The following OSBPL10 variants were observed in gnomAD, a reference collection of about 807,000 sequenced individuals.
OSBPL10 encodes oxysterol-binding protein-related protein 10.
In OSBPL10, 49 loss-of-function variants were observed where a neutral mutation model predicts 81.7. That is an observed-to-expected ratio of 0.60 (90% confidence interval 0.48 to 0.76). OSBPL10 has a LOEUF of 0.76. OSBPL10 is among the 30% of genes least tolerant of loss of function. OSBPL10 has a pLI of 0.00. For synonymous variants in OSBPL10, 419 were observed against 383.6 expected (o/e 1.09, Z -1.08); for missense variants, 923 against 987.8 (o/e 0.93, Z 0.88).
At chr3:31,955,038 G>A (rs550030429) in intron 1 of OSBPL10, among the ~76,000 whole-genome samples, 1 of 152,194 alleles carries the variant, frequency 6.6e-6, no homozygotes, top group East Asian at 1.9e-4. Flanking sequence ...ATGAGGGAGG[G>A]GGCAGTTAGC....
chr3:31,831,894 C>T (rs550079576), intron 3 of OSBPL10, among the ~76,000 whole-genome samples: 2 of 152,314 alleles, frequency 1.3e-5, no homozygotes, highest in South Asian at 4.1e-4. Context: ...CCAGACATAC[C>T]TGCAGCTGGG....
At chr3:31,700,703 C>T (rs1051393517) in intron 7 of OSBPL10, among the ~76,000 whole-genome samples, 3 of 152,330 alleles carry the variant, frequency 2.0e-5, no homozygotes, top group African/African-American at 7.2e-5. Flanking sequence ...TACTTGTACA[C>T]GTTATCATCC....
intron 4 of OSBPL10, among the ~76,000 whole-genome samples, chr3:31,772,035 ATTTT>A (rs371145925): frequency 1.3e-5 from 2 of 152,098 alleles, no homozygotes; most frequent in Admixed American, 6.5e-5. Context: ...TGCCTAGCAG[ATTTT>A]TTTTAAGTCA....
At chr3:31,930,810 C>T (rs1697218160) in intron 1 of OSBPL10, among the ~76,000 whole-genome samples, 1 of 151,430 alleles carries the variant, frequency 6.6e-6, no homozygotes. Flanking sequence ...GTCAGGAGAT[C>T]GAGACCATCC....
chr3:31,909,983 T>G (rs74574612), intron 1 of OSBPL10, among the ~76,000 whole-genome samples: 4 of 77,452 alleles, frequency 5.2e-5, no homozygotes, highest in African/African-American at 4.5e-4. Flanking sequence ...TCTCCTGGCC[T>G]TTTTTTTTTT....
intron 2 of OSBPL10, among the ~76,000 whole-genome samples, chr3:32,020,392 A>G (rs1164561482): frequency 1.3e-5 from 2 of 152,098 alleles, no homozygotes; most frequent in Non-Finnish European, 2.9e-5. Context: ...GTCATACTAT[A>G]TGTAGTCTTC....
chr3:32,039,392 C>T (rs1575090484), intron 2 of OSBPL10, among the ~76,000 whole-genome samples: 1 of 149,646 alleles, frequency 6.7e-6, no homozygotes, highest in Admixed American at 6.7e-5. Context: ...TATGGTGGCT[C>T]ATGCCTATAA....
At chr3:32,017,953 A>G (rs1699330304) in intron 2 of OSBPL10, among the ~76,000 whole-genome samples, 1 of 152,072 alleles carries the variant, frequency 6.6e-6, no homozygotes, top group African/African-American at 2.4e-5. Context: ...GTTCGAGACC[A>G]GCCTGGCCAA....
At chr3:31,674,674 T>C (rs1700417495) in intron 8 of OSBPL10, among the ~76,000 whole-genome samples, 1 of 152,212 alleles carries the variant, frequency 6.6e-6, no homozygotes, top group Non-Finnish European at 1.5e-5. Flanking sequence ...GCTCTTGCCA[T>C]GTGACCCCCA....
At chr3:31,910,177 C>CA (rs2125691096) in intron 1 of OSBPL10, among the ~76,000 whole-genome samples, 1 of 149,224 alleles carries the variant, frequency 6.7e-6, no homozygotes, top group Non-Finnish European at 1.5e-5. Flanking sequence ...GACAGGGTTT[C>CA]ACCATGTTGG....
chr3:31,751,596 G>A (rs924305422), intron 4 of OSBPL10, among the ~76,000 whole-genome samples: 13 of 152,070 alleles, frequency 8.5e-5, no homozygotes, highest in African/African-American at 2.7e-4. Flanking sequence ...GAACACTGCC[G>A]TTTAAAATGC....
chr3:31,747,773 G>A, intron 5 of OSBPL10, 137 bp downstream of exon 5: 3 of 855,660 alleles, frequency 3.5e-6, no homozygotes, highest in Non-Finnish European at 5.7e-6. Context: ...AGAGACGAAG[G>A]GCAGTAGAAA....
chr3:31,693,033 C>G (rs1695602430), intron 7 of OSBPL10, among the ~76,000 whole-genome samples: 1 of 152,224 alleles, frequency 6.6e-6, no homozygotes, highest in Non-Finnish European at 1.5e-5. Context: ...GGTCTCCACT[C>G]TCTCTTCTAT....
At chr3:31,841,732 C>T (rs943043675) in intron 3 of OSBPL10, among the ~76,000 whole-genome samples, 1 of 152,182 alleles carries the variant, frequency 6.6e-6, no homozygotes, top group African/African-American at 2.4e-5. Flanking sequence ...ACACTCTGCC[C>T]CCACCAGCTG....
At chr3:31,975,254 G>C (rs1462723478) in intron 1 of OSBPL10, among the ~76,000 whole-genome samples, 2 of 152,026 alleles carry the variant, frequency 1.3e-5, no homozygotes, top group African/African-American at 4.8e-5. Flanking sequence ...TTAGCACACG[G>C]CCTCAAAACA....
chr3:31,841,378 C>T (rs1559487819), intron 3 of OSBPL10, among the ~76,000 whole-genome samples: 1 of 152,196 alleles, frequency 6.6e-6, no homozygotes, highest in South Asian at 2.1e-4. Flanking sequence ...CTGACTCACT[C>T]TCAGATCTCT....
intron 2 of OSBPL10, among the ~76,000 whole-genome samples, chr3:32,035,845 T>A (rs1278455684): frequency 6.6e-6 from 1 of 152,146 alleles, no homozygotes; most frequent in Non-Finnish European, 1.5e-5. Context: ...TACAATTGGG[T>A]GGCATTAAGT....
chr3:31,706,647 G>A, intron 6 of OSBPL10, among the ~76,000 whole-genome samples: 1 of 152,100 alleles, frequency 6.6e-6, no homozygotes, highest in East Asian at 1.9e-4. Flanking sequence ...TCTTCTCAAT[G>A]GGAACATCAA....
intron 3 of OSBPL10, among the ~76,000 whole-genome samples, chr3:31,857,949 G>GT (rs1700968455): frequency 6.6e-6 from 1 of 151,062 alleles, no homozygotes; most frequent in Non-Finnish European, 1.5e-5. Context: ...TCCCGTTTTT[G>GT]TTTGACTGGT....
Sources: allele counts gnomAD v4.1 joint callset (sites outside exome capture counted in the v4.1 genomes callset), GRCh38; gene constraint gnomAD v4.1.1; transcripts MANE v1.5; gene names NCBI Gene and HGNC (gene_info 2026-07-23, HGNC 2026-07-21).